The following CEP85L variants were observed in gnomAD, a reference collection of about 807,000 sequenced individuals.
CEP85L encodes centrosomal protein of 85 kDa-like.
Under a neutral mutation model 100.3 loss-of-function variants are expected in CEP85L, and 60 were observed. The ratio of observed to expected loss-of-function variants is 0.60; its 90% CI spans 0.49 to 0.74. The LOEUF is 0.74. Ranked by LOEUF, CEP85L falls within the 30% of genes least tolerant of loss-of-function variation. CEP85L has a pLI of 0.00. For synonymous variants in CEP85L, 319 were observed against 322.7 expected (o/e 0.99, Z 0.12); for missense variants, 973 against 936.2 (o/e 1.04, Z -0.51).
chr6:118,619,640 G>A (rs1350975405), intron 2 of CEP85L, among the ~76,000 whole-genome samples: 2 of 152,178 alleles, frequency 1.3e-5, no homozygotes, highest in East Asian at 1.9e-4. Flanking sequence ...GCAGTAGGAG[G>A]AGAATTTAGG....
chr6:118,606,911 C>T (rs997478574), intron 2 of CEP85L, among the ~76,000 whole-genome samples: 3 of 151,854 alleles, frequency 2.0e-5, no homozygotes, highest in South Asian at 2.1e-4. Context: ...TTCAGTCAAC[C>T]GTTTGCACAG....
chr6:118,683,258 T>G (rs370145689), intron 1 of CEP85L, among the ~76,000 whole-genome samples: 2 of 152,208 alleles, frequency 1.3e-5, no homozygotes, highest in East Asian at 3.8e-4. Flanking sequence ...ATGGCAGTGA[T>G]TTCATCAGAC....
intron 9 of CEP85L, 28 bp from the exon 10 acceptor site, chr6:118,479,949 AAAT>A: frequency 8.3e-7 from 1 of 1,201,952 alleles, no homozygotes; most frequent in Non-Finnish European, 1.2e-6. Context: ...CATCTGATTC[AAAT>A]AATTTTTACA....
At chr6:118,704,011 G>T (rs906893447) in intron 1 of CEP85L, among the ~76,000 whole-genome samples, 1 of 152,086 alleles carries the variant, frequency 6.6e-6, no homozygotes, top group African/African-American at 2.4e-5. Context: ...ATAGAGGATG[G>T]GCTAGGAAAC....
intron 3 of CEP85L, among the ~76,000 whole-genome samples, chr6:118,550,913 A>G (rs1166341816): frequency 6.6e-6 from 1 of 151,880 alleles, no homozygotes; most frequent in Non-Finnish European, 1.5e-5. Context: ...AACCAGAAAT[A>G]TACGAAAATT....
At position 118,465,411 on chromosome 6, in the gene CEP85L, A is replaced by C; in HGVS notation, c.2412T>G (p.Thr804=). The change falls in exon 13 of 13, where the codon ACT becomes ACG. Residue 804 remains threonine (T), a synonymous_variant. Coordinates refer to ENST00000368491, the MANE Select transcript of CEP85L (RefSeq NM_001042475.3). The stretch of plus-strand genomic sequence containing the variant: ...CTGTGGGACTAACACTTGATCACTG[A>C]GTAATGCAGTTGTCTCCCATGTCCT... The part of the protein sequence containing the change: ...YAQDMGDNCI[T]Q The C allele has an allele frequency of 6.2e-7, 1 of 1,612,800 alleles. No individual in the cohort carries two copies.
chr6:118,579,211 A>G (rs942809740), intron 2 of CEP85L, among the ~76,000 whole-genome samples: 1 of 152,170 alleles, frequency 6.6e-6, no homozygotes, highest in Non-Finnish European at 1.5e-5. Context: ...GCTGTTTTTA[A>G]AAATCAAAAA....
In CEP85L at chr6:118,461,314, A is replaced by C. The variant is rs1772220198; in HGVS notation, c.*4091T>G. 1.3e-5 allele frequency: 2 copies of C among 152,134 alleles called. No homozygotes were observed. The highest frequency in any genetic ancestry group is 1.3e-4 in the Admixed American group (2 of 15,274). The allele number at this position is 152,134 out of a possible 1,614,324, so 9.4% of individuals were successfully genotyped here. On this transcript the variant is annotated 3_prime_UTR_variant, in exon 13 of 13. Coordinates refer to ENST00000368491, the MANE Select transcript of CEP85L (RefSeq NM_001042475.3). ...AATCTAAAGGAGTTTCCAGCTCACT[A>C]CACAGGGAAGGCTGGGCTCCAAAGA... is the stretch of plus-strand genomic sequence containing the variant.
intron 9 of CEP85L, 114 bp downstream of exon 9, chr6:118,480,282 G>A (rs909094581): frequency 1.4e-5 from 8 of 565,882 alleles, no homozygotes; most frequent in African/African-American, 1.4e-4. Context: ...AACTATGTAA[G>A]TGATTAAATA....
In CEP85L at chr6:118,696,305, TAGAC is replaced by T. The variant is rs144955835; in HGVS notation, c.-28+13727_-28+13730del. On this transcript the variant is annotated intron_variant, in intron 1 of 13. Transcript: ENST00000368488. Reference sequence around the variant, plus strand: ...GAAAAAGAAAAAGAAAAAGAAATGTTAGACAGGAAAATAAATCCAAATCCAGAAT... The same window carrying T: ...GAAAAAGAAAAAGAAAAAGAAATGTTAGGAAAATAAATCCAAATCCAGAAT... Among the ~76,000 whole-genome samples the T allele has an allele frequency of 5.4e-3, 808 of 150,976 alleles. 5 individuals carry two copies. The highest frequency in any genetic ancestry group is 7.1e-3 in the Non-Finnish European group (477 of 67,576).
At chr6:118,510,761 G>A (rs989927361) in intron 5 of CEP85L, among the ~76,000 whole-genome samples, 1 of 152,062 alleles carries the variant, frequency 6.6e-6, no homozygotes, top group African/African-American at 2.4e-5. Context: ...TTTATAAAAG[G>A]TTATTCTTTA....
At chr6:118,563,255 A>T (rs1779326449) in intron 3 of CEP85L, among the ~76,000 whole-genome samples, 1 of 152,206 alleles carries the variant, frequency 6.6e-6, no homozygotes, top group Non-Finnish European at 1.5e-5. Context: ...AAACCATGGA[A>T]ATCAAGGAAC....
At chr6:118,662,246 T>C (rs928164909) in intron 1 of CEP85L, among the ~76,000 whole-genome samples, 1 of 152,154 alleles carries the variant, frequency 6.6e-6, no homozygotes, top group Non-Finnish European at 1.5e-5. Context: ...ATAGTATGAA[T>C]TGGCCGGGTG....
chr6:118,549,310 A>T (rs1359626457), intron 3 of CEP85L, among the ~76,000 whole-genome samples: 1 of 151,948 alleles, frequency 6.6e-6, no homozygotes, highest in African/African-American at 2.4e-5. Flanking sequence ...AATAAATGCC[A>T]GGAATGGAGA....
intron 1 of CEP85L, among the ~76,000 whole-genome samples, chr6:118,671,186 C>A (rs1776295667): frequency 6.6e-6 from 1 of 152,142 alleles, no homozygotes; most frequent in Non-Finnish European, 1.5e-5. Flanking sequence ...TGTGAGCCCT[C>A]TTGAATTGCC....
At chr6:118,513,001 G>T (rs1202655792) in intron 4 of CEP85L, among the ~76,000 whole-genome samples, 1 of 152,146 alleles carries the variant, frequency 6.6e-6, no homozygotes, top group African/African-American at 2.4e-5. Context: ...ATATGCTTAA[G>T]TTAGAAGAAT....
At chr6:118,664,209 T>A (rs1776065184) in intron 1 of CEP85L, among the ~76,000 whole-genome samples, 1 of 152,140 alleles carries the variant, frequency 6.6e-6, no homozygotes, top group Non-Finnish European at 1.5e-5. Flanking sequence ...TCCAAACAGT[T>A]ATAATCAGCC....
chr6:118,464,086 T>A lies in CEP85L; in HGVS notation c.*1319A>T, dbSNP rs1225741421. 1.3e-5 allele frequency: 2 copies of A among 152,182 alleles called. No homozygotes were observed. The highest frequency in any genetic ancestry group is 2.9e-5 in the Non-Finnish European group (2 of 68,004). 9.4% of individuals were successfully genotyped at this position (152,182 alleles called of 1,614,324 possible). On this transcript the variant is annotated 3_prime_UTR_variant, in exon 13 of 13. Coordinates refer to ENST00000368491, the MANE Select transcript of CEP85L (RefSeq NM_001042475.3). ...TTGACCTAAATGAGACTTGGTTGCA[T>A]CACAAGATCAAACCAACTTACAAAG...
chr6:118,698,250 T>C (rs1466069701), intron 1 of CEP85L, among the ~76,000 whole-genome samples: 1 of 152,232 alleles, frequency 6.6e-6, no homozygotes. Context: ...TAAACTCACA[T>C]GTCATGCAAC....
Sources: allele counts gnomAD v4.1 joint callset (sites outside exome capture counted in the v4.1 genomes callset), GRCh38; gene constraint gnomAD v4.1.1; transcripts MANE v1.5; gene names NCBI Gene and HGNC (gene_info 2026-07-23, HGNC 2026-07-21).